SFPQ: variants seen among roughly 807,000 people sequenced by gnomAD.
SFPQ encodes splicing factor proline and glutamine rich, also known as splicing factor, proline- and glutamine-rich.
A neutral mutation model predicts 72.9 loss-of-function variants in SFPQ; 11 were observed. The ratio of observed to expected loss-of-function variants is 0.15; its 90% CI spans 0.09 to 0.25. The LOEUF (loss-of-function observed/expected upper bound fraction) is 0.25. Ranked by LOEUF, SFPQ falls within the 10% of genes least tolerant of loss-of-function variation. SFPQ has a pLI of 1.00. For missense variants in SFPQ, 847 were observed against 993.3 expected, an observed-to-expected ratio of 0.85 and a Z score of 1.98; for synonymous variants, 506 against 367.3, an observed-to-expected ratio of 1.38 and a Z score of -4.32.
chr1:35,188,676 G>A (rs1317927539), intron 6 of SFPQ, among the ~76,000 whole-genome samples: 1 of 152,148 alleles, frequency 6.6e-6, no homozygotes, highest in African/African-American at 2.4e-5. Flanking sequence ...AAAAAAAATG[G>A]CCAAGCGTGG....
downstream of SFPQ, chr1:35,178,884 CAAA>C (rs200118997): frequency 0.018 from 17,281 of 961,972 alleles, 972 homozygotes; most frequent in African/African-American, 0.23. Flanking sequence ...TTTTCACTCT[CAAA>C]AAAAAAAAAA....
chr1:35,191,707 C>A (rs1030279454), intron 1 of SFPQ, among the ~76,000 whole-genome samples, 178 bp from the exon 2 acceptor site: 1 of 152,130 alleles, frequency 6.6e-6, no homozygotes, highest in Non-Finnish European at 1.5e-5. Flanking sequence ...AAAAAGGAGC[C>A]CCATCATCCA....
rs747870499 is a variant in SFPQ at position 35,192,825 on chromosome 1, CTGCGGTGGTGGCTGT to C, written c.210_224del (p.Gln80_Pro84del). On this transcript the variant is annotated inframe_deletion, in exon 1 of 10. Transcript: ENST00000357214. The stretch of plus-strand genomic sequence containing the variant: ...GTGGCGGCTGCTGCGGCGGTGGCTG[CTGCGGTGGTGGCTGT>C]TGCTGCTGTTGGTGTGGAGGCGGTG... 9 of 1,512,966 alleles carry C rather than the reference CTGCGGTGGTGGCTGT, an allele frequency of 5.9e-6. No individual in the cohort carries two copies. The highest frequency in any genetic ancestry group is 7.9e-6 in the Non-Finnish European group (9 of 1,137,580). 93.7% of individuals were successfully genotyped at this position (1,512,966 alleles called of 1,614,324 possible).
rs1012468108 is a variant in SFPQ, at chr1:35,183,273, T to C, written c.*1183A>G. The C allele has an allele frequency of 9.1e-6, 6 of 661,528 alleles. No individual in the cohort carries two copies. The African/African-American group carries it at 9.9e-5, about 11-fold the overall frequency. 41.0% of individuals were successfully genotyped at this position (661,528 alleles called of 1,614,324 possible). ...TCTCGCTCTGTTGTCCAGGCTGGAG[T>C]GCAGTGGCAGTCTCAGCTCACTGCA... On this transcript the variant is annotated 3_prime_UTR_variant, in exon 10 of 10. Transcript: ENST00000357214.
At chr1:35,188,959 A>C in intron 6 of SFPQ, 44 bp downstream of exon 6, 1 of 1,512,150 alleles carries the variant, frequency 6.6e-7, no homozygotes. Context: ...ATACGTTTCA[A>C]AGAAAAAAAT....
At chr1:35,177,414 G>A (rs1639290090) in intron 4 of SFPQ, 1 of 151,992 alleles carries the variant, frequency 6.6e-6, no homozygotes, top group African/African-American at 2.4e-5. Flanking sequence ...AACAAAAAAT[G>A]TTAACTTGCT....
Position 35,192,814 on chromosome 1 carries a change from G to GGCGGTGGCTGCT in SFPQ, c.224_235dup (p.Gln75_Pro78dup). ...CGGCTGATGCGGTGGCGGCTGCTGC[G>GGCGGTGGCTGCT]GCGGTGGCTGCTGCGGTGGTGGCTG... On this transcript the variant is annotated inframe_insertion, in exon 1 of 10. Coordinates refer to ENST00000357214, the MANE Select transcript of SFPQ (RefSeq NM_005066.3). 6.6e-7 allele frequency: 1 copy of GGCGGTGGCTGCT among 1,503,826 alleles called. No individual in the cohort carries two copies. Among genetic ancestry groups the GGCGGTGGCTGCT allele is most frequent in the South Asian group, 1.3e-5 (1 of 79,986 alleles). 93.2% of individuals were successfully genotyped at this position (1,503,826 alleles called of 1,614,324 possible). A position where few individuals can be genotyped will look rare whatever the true frequency, so the allele number is the denominator to read the frequency against.
At chr1:35,186,681 T>C (rs1333500109) in intron 9 of SFPQ, among the ~76,000 whole-genome samples, 1 of 152,186 alleles carries the variant, frequency 6.6e-6, no homozygotes, top group Admixed American at 6.5e-5. Flanking sequence ...TCAGATACAT[T>C]ATCTAGCATC....
At chr1:35,186,087 A>G (rs1639699853) in intron 9 of SFPQ, among the ~76,000 whole-genome samples, 2 of 152,344 alleles carry the variant, frequency 1.3e-5, no homozygotes, top group South Asian at 4.1e-4. Flanking sequence ...AGTCTTAGGT[A>G]GATTATAAAC....
chr1:35,181,162 G>GGA, downstream of SFPQ: 1 of 1,065,330 alleles, frequency 9.4e-7, no homozygotes, highest in Non-Finnish European at 1.1e-6. Flanking sequence ...TGAGAATCTT[G>GGA]GAGCAAGCAG....
rs1640127288 is a variant in SFPQ at position 35,193,124 on chromosome 1, C to G, written c.-75G>C. 6.7e-7 allele frequency: 1 copy of G among 1,484,832 alleles called. No individual in the cohort carries two copies. Among genetic ancestry groups the G allele is most frequent in the Non-Finnish European group, 8.9e-7 (1 of 1,125,374 alleles). The allele number at this position is 1,484,832 out of a possible 1,614,324, so 92.0% of individuals were successfully genotyped here. A position where few individuals can be genotyped will look rare whatever the true frequency, so the allele number is the denominator to read the frequency against. ...AACGTGGAGGCCACCTTGCTTCTCA[C>G]AAAATGGCGGATGACACAGGCGGCG... On this transcript the variant is annotated 5_prime_UTR_variant, in exon 1 of 10. Coordinates refer to ENST00000357214, the MANE Select transcript of SFPQ (RefSeq NM_005066.3).
intron 5 of SFPQ, among the ~76,000 whole-genome samples, chr1:35,176,946 T>C (rs1570099210): frequency 6.7e-6 from 1 of 150,026 alleles, no homozygotes; most frequent in Admixed American, 6.7e-5. Flanking sequence ...CAGGGCGGAG[T>C]GGCTCAAGCC....
chr1:35,180,362 C>T (rs1301277869), downstream of SFPQ: 4 of 1,044,434 alleles, frequency 3.8e-6, no homozygotes, highest in Middle Eastern at 4.3e-4. Flanking sequence ...AACATCACAT[C>T]CCTAAAGCTA....
intron 1 of SFPQ, 85 bp from the exon 2 acceptor site, chr1:35,191,614 T>C (rs1442392239): frequency 9.7e-7 from 1 of 1,028,280 alleles, no homozygotes; most frequent in African/African-American, 1.6e-5. Flanking sequence ...ATCTGAAACC[T>C]ATCAGTTGCC....
chr1:35,182,975 T>C lies in SFPQ; in HGVS notation c.*1481A>G, dbSNP rs1158751145. ...TTATGGTGGGAGGAAGGGATATTTG[T>C]ACTGTGTAGCATGAGCAACTTTCTC... On this transcript the variant is annotated 3_prime_UTR_variant, in exon 10 of 10. Coordinates refer to ENST00000357214, the MANE Select transcript of SFPQ (RefSeq NM_005066.3). 2 of 1,042,338 alleles carry C rather than the reference T, an allele frequency of 1.9e-6. No homozygotes were observed. The highest frequency in any genetic ancestry group is 1.7e-5 in the African/African-American group (1 of 59,752). The allele number at this position is 1,042,338 out of a possible 1,614,324, so 64.6% of individuals were successfully genotyped here. A position where few individuals can be genotyped will look rare whatever the true frequency, so the allele number is the denominator to read the frequency against.
intron 7 of SFPQ, 132 bp from the exon 8 acceptor site, chr1:35,187,383 G>T (rs993841476): frequency 1.1e-6 from 1 of 884,790 alleles, no homozygotes; most frequent in Non-Finnish European, 1.8e-6. Context: ...AATTATTTTT[G>T]AAATCAATAT....
chr1:35,192,181 C>A, intron 1 of SFPQ, 41 bp downstream of exon 1: 1 of 1,324,342 alleles, frequency 7.6e-7, no homozygotes, highest in South Asian at 1.9e-5. Context: ...GGGCCGCCGC[C>A]ATCTTAGGGG....
chr1:35,182,001 A>AG (rs1209445080), downstream of SFPQ: 3 of 985,274 alleles, frequency 3.0e-6, no homozygotes, highest in East Asian at 3.4e-4. Context: ...CACAACTTTC[A>AG]GGAGATTATC....
At chr1:35,182,640 G>T (rs890974295), downstream of SFPQ, 1 of 985,410 alleles carries the variant, frequency 1.0e-6, no homozygotes, top group Non-Finnish European at 1.2e-6. Context: ...GTTTGACTTA[G>T]AATTTTTCTT....
Sources: gnomAD v4.1 joint callset for allele counts (sites outside exome capture counted in the v4.1 genomes callset) on GRCh38, gnomAD v4.1.1 for gene constraint, MANE v1.5 for transcripts, NCBI Gene and HGNC (gene_info 2026-07-23, HGNC 2026-07-21) for gene names.